Variants in VIPR2 observed in about 807,000 individuals in gnomAD.
The protein encoded by VIPR2 is vasoactive intestinal peptide receptor 2, also known as vasoactive intestinal polypeptide receptor 2.
VIPR2 carries 48 observed loss-of-function variants against 58.0 expected under a neutral mutation model. That is an observed-to-expected ratio of 0.83 (90% CI 0.66 to 1.05). The LOEUF (loss-of-function observed/expected upper bound fraction) is 1.05, where lower values mean the gene tolerates loss of function less well. VIPR2 is among the 50% of genes least tolerant of loss of function. VIPR2 has a pLI of 0.00. For synonymous variants in VIPR2, 243 were observed against 235.2 expected (o/e 1.03, Z -0.30); for missense variants, 534 against 558.0 (o/e 0.96, Z 0.43).
In VIPR2 at chr7:159,078,756, G is replaced by A. The variant is rs58443623; in HGVS notation, c.358-20178C>T. 5.9e-4 allele frequency among the ~76,000 whole-genome samples: 90 copies of A among 152,262 alleles called. No individual in the cohort carries two copies. In the East Asian group the frequency reaches 0.015, roughly 25 times the overall value. ...CGCGTTGTGCCTACATAAGTAACTC[G>A]GGAAAAATGTAAACCCAATTACACG... is the stretch of plus-strand genomic sequence containing the variant. On this transcript the variant is annotated intron_variant, in intron 4 of 12. Coordinates refer to ENST00000262178, the MANE Select transcript of VIPR2 (RefSeq NM_003382.5).
At chr7:159,112,406 G>A (rs1052521927) in intron 2 of VIPR2, among the ~76,000 whole-genome samples, 3 of 152,238 alleles carry the variant, frequency 2.0e-5, no homozygotes, top group Admixed American at 6.5e-5. Context: ...CGTGGCACTG[G>A]CTGCAACCTC....
chr7:159,126,755 G>A (rs1282636629), intron 2 of VIPR2, among the ~76,000 whole-genome samples: 2 of 152,194 alleles, frequency 1.3e-5, no homozygotes, highest in Non-Finnish European at 2.9e-5. Context: ...CAACCATCAG[G>A]CTGCTCTTGA....
chr7:159,065,910 T>C (rs923588988), intron 4 of VIPR2, among the ~76,000 whole-genome samples: 1 of 152,244 alleles, frequency 6.6e-6, no homozygotes, highest in African/African-American at 2.4e-5. Context: ...CACAGAGCTG[T>C]GAGGTTTGAC....
chr7:159,071,651 G>A (rs560645487), intron 4 of VIPR2, among the ~76,000 whole-genome samples: 2 of 152,282 alleles, frequency 1.3e-5, no homozygotes, highest in South Asian at 4.1e-4. Flanking sequence ...GGTGCAAAGA[G>A]TTTTCTCTTT....
chr7:159,065,301 G>C (rs1054024283), intron 4 of VIPR2, among the ~76,000 whole-genome samples: 2 of 152,148 alleles, frequency 1.3e-5, no homozygotes, highest in Non-Finnish European at 2.9e-5. Context: ...CCCTGCAGTG[G>C]CTGCTACAGG....
At chr7:159,067,966 CCT>C (rs898320117) in intron 4 of VIPR2, among the ~76,000 whole-genome samples, 1 of 152,250 alleles carries the variant, frequency 6.6e-6, no homozygotes, top group Non-Finnish European at 1.5e-5. Context: ...GCCGCTAGCC[CCT>C]CTCTGCAGAG....
chr7:159,142,649 T>C, intron 1 of VIPR2, 104 bp from the exon 2 acceptor site: 1 of 765,706 alleles, frequency 1.3e-6, no homozygotes, highest in African/African-American at 1.8e-5. Context: ...AGCTTTAAAC[T>C]GCTTCCAAAC....
At position 159,095,995 on chromosome 7, in the gene VIPR2, G is replaced by A. The variant is rs112945881; in HGVS notation, c.357+7762C>T. ...ATCTGGAGGCTCCCCGGGGGCTCCT[G>A]GCAACAAGCTGCAGGACGCACACCT... On this transcript the variant is annotated intron_variant, in intron 4 of 12. Transcript: ENST00000262178. The surrounding 1 kb of genome is among the most constrained non-coding windows in gnomAD (Gnocchi z 5.2). Among the ~76,000 whole-genome samples, 291 of 152,234 alleles carry A rather than the reference G, an allele frequency of 1.9e-3. No homozygotes were observed. The highest frequency in any genetic ancestry group is 6.5e-3 in the African/African-American group (269 of 41,540).
chr7:159,096,838 G>C lies in VIPR2; in HGVS notation c.357+6919C>G, dbSNP rs146019495. On this transcript the variant is annotated intron_variant, in intron 4 of 12. Coordinates refer to ENST00000262178, the MANE Select transcript of VIPR2 (RefSeq NM_003382.5). The surrounding 1 kb of genome is among the most constrained non-coding windows in gnomAD (Gnocchi z 5.5). Reference sequence around the variant, plus strand: ...CCCAGCTCTTGTCCCGGCCCACCTCGGGATGCTTCCGCCGTACTGTGTCCA... The same window carrying C: ...CCCAGCTCTTGTCCCGGCCCACCTCCGGATGCTTCCGCCGTACTGTGTCCA... 8.4e-5 allele frequency: 125 copies of C among 1,487,788 alleles called. No individual in the cohort carries two copies. The East Asian group carries it at 3.1e-3, about 37-fold the overall frequency. 92.2% of individuals were successfully genotyped at this position (1,487,788 alleles called of 1,614,324 possible).
At chr7:159,071,236 G>A (rs1461246034) in intron 4 of VIPR2, among the ~76,000 whole-genome samples, 1 of 152,156 alleles carries the variant, frequency 6.6e-6, no homozygotes, top group African/African-American at 2.4e-5. Flanking sequence ...ATCTTCATTA[G>A]AGGTGGCCAA....
chr7:159,084,318 G>A (rs1857060517), intron 4 of VIPR2, among the ~76,000 whole-genome samples: 1 of 152,260 alleles, frequency 6.6e-6, no homozygotes, highest in African/African-American at 2.4e-5. Context: ...GGAGCACTTA[G>A]TGGGTGAAGG....
At chr7:159,143,940 C>T (rs1035645420) in intron 1 of VIPR2, among the ~76,000 whole-genome samples, 3 of 152,210 alleles carry the variant, frequency 2.0e-5, no homozygotes, top group Admixed American at 2.0e-4. Flanking sequence ...GCAGACCGGG[C>T]GTCGCCGGTT....
At chr7:159,044,125 G>A (rs1854507007) in intron 5 of VIPR2, among the ~76,000 whole-genome samples, 1 of 152,194 alleles carries the variant, frequency 6.6e-6, no homozygotes, top group African/African-American at 2.4e-5. Context: ...TCCCAACACA[G>A]AGCCAGCCTA....
chr7:159,049,678 C>T (rs946951502), intron 5 of VIPR2, among the ~76,000 whole-genome samples: 7 of 152,188 alleles, frequency 4.6e-5, no homozygotes, highest in African/African-American at 1.7e-4. Flanking sequence ...AGAAATAAAC[C>T]AGAAAGCAGT....
chr7:159,070,958 C>T (rs971785450), intron 4 of VIPR2, among the ~76,000 whole-genome samples: 13 of 152,300 alleles, frequency 8.5e-5, no homozygotes, highest in South Asian at 4.1e-4. Context: ...GCACACGAAA[C>T]GGCACGCCCA....
intron 4 of VIPR2, among the ~76,000 whole-genome samples, chr7:159,072,624 A>G (rs1222071843): frequency 6.6e-6 from 1 of 152,234 alleles, no homozygotes; most frequent in Non-Finnish European, 1.5e-5. Flanking sequence ...CGACAGGCCC[A>G]TGAGGCCCTG....
chr7:159,134,036 C>T (rs1797096710), intron 2 of VIPR2, among the ~76,000 whole-genome samples: 1 of 152,156 alleles, frequency 6.6e-6, no homozygotes, highest in African/African-American at 2.4e-5. Context: ...AAACTTGAAA[C>T]TCTGAAATTA....
intron 4 of VIPR2, among the ~76,000 whole-genome samples, chr7:159,094,300 G>A (rs1857691582): frequency 6.6e-6 from 1 of 152,208 alleles, no homozygotes; most frequent in Non-Finnish European, 1.5e-5. Context: ...TGCTGTCTGA[G>A]GAATGGGGAC....
In VIPR2 at chr7:159,078,339, T is replaced by G. The variant is rs113477332; in HGVS notation, c.358-19761A>C. ...CAAATACCTGATTGCTCACACCACGTAGAAGCCTAATTTAGGAGGAAGCTT... is the reference window on the plus strand; with the variant it reads ...CAAATACCTGATTGCTCACACCACGGAGAAGCCTAATTTAGGAGGAAGCTT... On this transcript the variant is annotated intron_variant, in intron 4 of 12. Coordinates refer to ENST00000262178, the MANE Select transcript of VIPR2 (RefSeq NM_003382.5). Among the ~76,000 whole-genome samples, 1,026 of 152,344 alleles carry G rather than the reference T, an allele frequency of 6.7e-3. 6 individuals carry two copies. Among genetic ancestry groups the G allele is most frequent in the African/African-American group, 0.024 (983 of 41,580 alleles).
Sources: allele counts gnomAD v4.1 joint callset (sites outside exome capture counted in the v4.1 genomes callset), GRCh38; gene constraint gnomAD v4.1.1; non-coding constraint Gnocchi (gnomAD v3.1); transcripts MANE v1.5; gene names NCBI Gene and HGNC (gene_info 2026-07-23, HGNC 2026-07-21).